ABCB5: variants seen among roughly 807,000 people sequenced by gnomAD.
The protein encoded by ABCB5 is ATP-binding cassette sub-family B member 5.
Under a neutral mutation model 144.2 loss-of-function variants are expected in ABCB5, and 155 were observed. The observed-to-expected ratio is 1.08, with a 90% confidence interval of 0.94 to 1.23. The LOEUF (loss-of-function observed/expected upper bound fraction) is 1.23. ABCB5 is among the 50% of genes most tolerant of loss of function. The pLI, the probability that ABCB5 is intolerant of heterozygous loss-of-function variation, is 0.00. For synonymous variants in ABCB5, 610 were observed against 528.6 expected, an observed-to-expected ratio of 1.15 and a Z score of -2.11; for missense variants, 1,830 against 1,520.8, an observed-to-expected ratio of 1.20 and a Z score of -3.38.
At chr7:20,727,786 G>A (rs1047484893) in intron 22 of ABCB5, among the ~76,000 whole-genome samples, 5 of 152,124 alleles carry the variant, frequency 3.3e-5, no homozygotes, top group Non-Finnish European at 5.9e-5. Flanking sequence ...TTTTAAATAC[G>A]AATATATACA....
chr7:20,731,369 A>AAAAAAAAAAATATATATAT (rs57305244), intron 23 of ABCB5, among the ~76,000 whole-genome samples: 1 of 123,074 alleles, frequency 8.1e-6, no homozygotes, highest in African/African-American at 3.3e-5. Flanking sequence ...AAAAAAAAAA[A>AAAAAAAAAAATATATATAT]ATATATATAT....
intron 4 of ABCB5, among the ~76,000 whole-genome samples, chr7:20,630,207 C>T (rs538172982): frequency 3.3e-4 from 50 of 152,194 alleles, no homozygotes; most frequent in African/African-American, 9.9e-4. Context: ...AAATTCCACA[C>T]TGGAAGTATT....
At chr7:20,622,834 C>T (rs1783827685) in intron 1 of ABCB5, among the ~76,000 whole-genome samples, 1 of 152,066 alleles carries the variant, frequency 6.6e-6, no homozygotes, top group Admixed American at 6.6e-5. Flanking sequence ...CTAGAAAACC[C>T]TATTCCCTCA....
In ABCB5 at chr7:20,630,808, G is replaced by A. The variant is rs569572729; in HGVS notation, c.260-1251G>A. The stretch of plus-strand genomic sequence containing the variant: ...TTGATTGCCTTACCTGTTTTGGATA[G>A]GCTAGGCACTACATATCTAATTGCT... On this transcript the variant is annotated intron_variant, in intron 4 of 27. Coordinates refer to ENST00000404938, the MANE Select transcript of ABCB5 (RefSeq NM_001163941.2). Among the ~76,000 whole-genome samples the A allele has an allele frequency of 1.4e-4, 22 of 152,040 alleles. 1 individual carries two copies. The South Asian group carries it at 4.6e-3, about 32-fold the overall frequency.
intron 16 of ABCB5, among the ~76,000 whole-genome samples, chr7:20,686,822 A>T (rs1235461174): frequency 6.6e-6 from 1 of 152,066 alleles, no homozygotes; most frequent in Non-Finnish European, 1.5e-5. Context: ...ATCTCCTCTT[A>T]GCCCGTCTTC....
At chr7:20,751,133 A>G (rs1012702813) in intron 26 of ABCB5, among the ~76,000 whole-genome samples, 2 of 152,164 alleles carry the variant, frequency 1.3e-5, no homozygotes, top group Non-Finnish European at 2.9e-5. Context: ...TCCGGTTCAT[A>G]TTAAGGAGCC....
intron 23 of ABCB5, among the ~76,000 whole-genome samples, chr7:20,737,837 C>T (rs182922329): frequency 2.3e-4 from 35 of 152,240 alleles, no homozygotes; most frequent in Middle Eastern, 6.8e-3. Flanking sequence ...ATTCAAATGG[C>T]ATTTTGAGCT....
chr7:20,669,062 GC>G (rs1249802858), intron 14 of ABCB5, among the ~76,000 whole-genome samples: 3,585 of 22,862 alleles, frequency 0.16, 31 homozygotes, highest in African/African-American at 0.31. Flanking sequence ...GAAGTGAGGA[GC>G]CCCTCTGCCT....
At chr7:20,644,928 G>A (rs1784369207) in intron 7 of ABCB5, among the ~76,000 whole-genome samples, 1 of 152,210 alleles carries the variant, frequency 6.6e-6, no homozygotes, top group Non-Finnish European at 1.5e-5. Context: ...TATTTGAAAT[G>A]AGGAAGGAAA....
chr7:20,645,239 G>C (rs1053915400), intron 7 of ABCB5, among the ~76,000 whole-genome samples: 3 of 152,140 alleles, frequency 2.0e-5, no homozygotes, highest in African/African-American at 7.2e-5. Context: ...CCCCTCTAGT[G>C]ATCTACTATA....
intron 5 of ABCB5, among the ~76,000 whole-genome samples, chr7:20,642,227 A>G (rs73276602): frequency 6.6e-6 from 1 of 152,172 alleles, no homozygotes; most frequent in Non-Finnish European, 1.5e-5. Flanking sequence ...GAATATGCCA[A>G]ATTCTCCAGC....
At chr7:20,694,387 A>G (rs2128042170) in intron 16 of ABCB5, among the ~76,000 whole-genome samples, 1 of 152,194 alleles carries the variant, frequency 6.6e-6, no homozygotes, top group African/African-American at 2.4e-5. Context: ...ATCTCAATCA[A>G]TGCAGAAAAC....
chr7:20,734,390 A>G (rs1583459709), intron 23 of ABCB5, among the ~76,000 whole-genome samples: 1 of 150,890 alleles, frequency 6.6e-6, no homozygotes, highest in Admixed American at 6.7e-5. Flanking sequence ...GGAGCTGGTT[A>G]AAACTGTAGA....
chr7:20,638,686 G>A (rs1028745453), intron 5 of ABCB5, among the ~76,000 whole-genome samples: 1 of 152,178 alleles, frequency 6.6e-6, no homozygotes, highest in African/African-American at 2.4e-5. Flanking sequence ...ACAGGTAGGA[G>A]TAGTTTATTC....
chr7:20,669,359 G>A (rs1443515874), intron 14 of ABCB5, among the ~76,000 whole-genome samples: 2 of 146,514 alleles, frequency 1.4e-5, no homozygotes, highest in East Asian at 4.1e-4. Context: ...AGACATGGGA[G>A]ACTTTTCATT....
At chr7:20,625,839 T>G (rs1014582821) in intron 2 of ABCB5, among the ~76,000 whole-genome samples, 4 of 152,184 alleles carry the variant, frequency 2.6e-5, no homozygotes, top group African/African-American at 9.7e-5. Flanking sequence ...TGAAGAGATA[T>G]TTGTACACTC....
In ABCB5 at chr7:20,643,596, T is replaced by C. The variant is rs1784341945; in HGVS notation, c.642T>C (p.Ser214=). 3 of 1,613,974 alleles carry C rather than the reference T, an allele frequency of 1.9e-6. No homozygotes were observed. The highest frequency in any genetic ancestry group is 2.5e-6 in the Non-Finnish European group (3 of 1,179,886). Residue 214 remains serine, a synonymous_variant, in exon 7 of 28, where the codon TCT becomes TCC. Coordinates refer to ENST00000404938, the MANE Select transcript of ABCB5 (RefSeq NM_001163941.2). ...TCACCCTAGTGACTCTATCCACGTC[T>C]CCTCTTATAATGGCTTCAGCGGCAG... is the stretch of plus-strand genomic sequence containing the variant. ...WKLTLVTLST[S]PLIMASAAAC...
At chr7:20,691,372 G>A (rs1037140429) in intron 16 of ABCB5, among the ~76,000 whole-genome samples, 1 of 151,394 alleles carries the variant, frequency 6.6e-6, no homozygotes, top group African/African-American at 2.4e-5. Flanking sequence ...GGAGAGGAGA[G>A]AACTTCTCAG....
At chr7:20,626,727 A>T (rs905892822) in intron 3 of ABCB5, 116 bp downstream of exon 3, 9 of 781,744 alleles carry the variant, frequency 1.2e-5, no homozygotes, top group African/African-American at 5.4e-5. Context: ...AGAGGGAACT[A>T]AAATAATTCA....
Sources: gnomAD v4.1 joint callset for allele counts (sites outside exome capture counted in the v4.1 genomes callset) on GRCh38, gnomAD v4.1.1 for gene constraint, MANE v1.5 for transcripts, NCBI Gene and HGNC (gene_info 2026-07-23, HGNC 2026-07-21) for gene names.